SYNE2: variants seen among roughly 807,000 people sequenced by gnomAD.
SYNE2 encodes nesprin-2.
SYNE2 carries 431 observed loss-of-function variants against 856.3 expected under a neutral mutation model. That is an observed-to-expected ratio of 0.50 (90% CI 0.47 to 0.55). The LOEUF (loss-of-function observed/expected upper bound fraction) is 0.55. SYNE2 is among the 20% of genes least tolerant of loss of function. The probability of loss-of-function intolerance (pLI) is 0.00; values close to 1 mark genes in which losing one functional copy is unlikely to be tolerated. For synonymous variants in SYNE2, 2,923 were observed against 2,872.3 expected (o/e 1.02, Z -0.56); for missense variants, 8,129 against 8,023.2 (o/e 1.01, Z -0.50).
chr14:64,028,145 TCCTC>T (rs2096996428), intron 43 of SYNE2, among the ~76,000 whole-genome samples: 7 of 152,130 alleles, frequency 4.6e-5, no homozygotes, highest in Admixed American at 4.6e-4. Context: ...GCTCAAGTGA[TCCTC>T]CCGCCTTGGC....
At chr14:64,087,985 C>T (rs1158765507) in intron 58 of SYNE2, 129 bp downstream of exon 58, 7 of 931,468 alleles carry the variant, frequency 7.5e-6, no homozygotes, top group Non-Finnish European at 8.4e-6. Context: ...GAGTTCAAGA[C>T]AAGCCTGGCC....
In SYNE2 at chr14:64,148,034, G is replaced by A. The variant is rs571694703; in HGVS notation, c.15639+1811G>A. Among the ~76,000 whole-genome samples, 9 of 152,226 alleles carry A rather than the reference G, an allele frequency of 5.9e-5. No individual in the cohort carries two copies. In the South Asian group the frequency reaches 8.3e-4, roughly 14 times the overall value. ...TGTTATTTAATAAGCCATTAAGGCC[G>A]GGCGCAGTGGCTCATGTGTATAATC... On this transcript the variant is annotated intron_variant, in intron 84 of 115. Transcript: ENST00000555002.
At chr14:64,063,873 C>T (rs2097336668) in intron 50 of SYNE2, among the ~76,000 whole-genome samples, 1 of 152,152 alleles carries the variant, frequency 6.6e-6, no homozygotes, top group Admixed American at 6.5e-5. Context: ...CCAGTGGATG[C>T]TTGAGACTGT....
At chr14:63,803,301 G>T (rs1307202660) in intron 1 of SYNE2, among the ~76,000 whole-genome samples, 2 of 152,234 alleles carry the variant, frequency 1.3e-5, no homozygotes, top group Non-Finnish European at 2.9e-5. Flanking sequence ...GGGACTGGGC[G>T]CCATGGAGCA....
chr14:64,049,943 G>T (rs1595139264), intron 47 of SYNE2, 67 bp downstream of exon 47: 1 of 1,578,206 alleles, frequency 6.3e-7, no homozygotes, highest in Non-Finnish European at 8.7e-7. Context: ...CCTTGGACAG[G>T]CCCAGGGTTT....
In SYNE2 at chr14:64,051,926, C is replaced by T. The variant is rs1324986561; in HGVS notation, c.8013C>T (p.Asp2671=). ...AAAGCATGATTGCCTTGACCACTGACCTCCAGGCTACCAAGCATGGATTTT... is the reference window on the plus strand; with the variant it reads ...AAAGCATGATTGCCTTGACCACTGATCTCCAGGCTACCAAGCATGGATTTT... ...GNQSMIALTT[D]LQATKHGFSV... is the part of the protein sequence containing the mutation. The change falls in exon 48 of 116, where the codon GAC becomes GAT. Residue 2671 remains aspartate (D), a synonymous_variant. Coordinates refer to ENST00000555002, the MANE Select transcript of SYNE2 (RefSeq NM_182914.3). 1.9e-6 allele frequency: 3 copies of T among 1,613,856 alleles called. No homozygotes were observed. The highest frequency in any genetic ancestry group is 1.7e-5 in the Admixed American group (1 of 60,028).
At chr14:63,929,661 C>A (rs753631901) in intron 2 of SYNE2, among the ~76,000 whole-genome samples, 1 of 151,808 alleles carries the variant, frequency 6.6e-6, no homozygotes, top group South Asian at 2.1e-4. Context: ...ATCCCAGCTA[C>A]TCGGGAGGCT....
intron 112 of SYNE2, among the ~76,000 whole-genome samples, chr14:64,222,725 C>CA (rs1567696773): frequency 6.6e-6 from 1 of 151,880 alleles, no homozygotes; most frequent in Non-Finnish European, 1.5e-5. Context: ...GACTCCACCT[C>CA]AAAAAAATAA....
intron 2 of SYNE2, among the ~76,000 whole-genome samples, chr14:63,929,644 GC>G (rs916903381): frequency 1.2e-4 from 18 of 152,006 alleles, no homozygotes; most frequent in African/African-American, 4.1e-4. Flanking sequence ...GGGGGTGGGC[GC>G]CTGTAATCCC....
At chr14:63,960,986 C>T in intron 8 of SYNE2, 1 of 519,092 alleles carries the variant, frequency 1.9e-6, no homozygotes, top group Non-Finnish European at 3.4e-6. Flanking sequence ...AACACAAAGC[C>T]TGGCCTGTAG....
At chr14:63,934,688 C>T (rs2095808014) in intron 2 of SYNE2, among the ~76,000 whole-genome samples, 2 of 152,012 alleles carry the variant, frequency 1.3e-5, no homozygotes, top group South Asian at 4.1e-4. Context: ...GAGTTGTGCT[C>T]CTCCTTCCTG....
intron 1 of SYNE2, among the ~76,000 whole-genome samples, chr14:63,904,780 G>T (rs2095387097): frequency 6.6e-6 from 1 of 152,032 alleles, no homozygotes; most frequent in Admixed American, 6.6e-5. Context: ...TTTGTTGATA[G>T]TTTCTTTTGC....
At chr14:64,150,291 CAAAAAAAA>C (rs773488742) in intron 84 of SYNE2, among the ~76,000 whole-genome samples, 58 of 35,638 alleles carry the variant, frequency 1.6e-3, no homozygotes, top group South Asian at 6.3e-3. Context: ...GATTCTCTCT[CAAAAAAAA>C]AAAAAAAAAA....
intron 65 of SYNE2, among the ~76,000 whole-genome samples, chr14:64,110,772 C>T (rs1043557123): frequency 3.3e-5 from 5 of 151,978 alleles, no homozygotes; most frequent in African/African-American, 1.2e-4. Context: ...TTGGGTGCTT[C>T]TCAGAAGCAA....
chr14:64,092,886 C>G (rs2097638766), intron 60 of SYNE2, among the ~76,000 whole-genome samples: 1 of 152,180 alleles, frequency 6.6e-6, no homozygotes, highest in African/African-American at 2.4e-5. Context: ...ACCGGGAAAA[C>G]CCATCATCAC....
chr14:64,166,990 T>A, intron 90 of SYNE2: 1 of 556,584 alleles, frequency 1.8e-6, no homozygotes, highest in South Asian at 2.1e-5. Flanking sequence ...AAATCTGAGA[T>A]AACTTTCTAT....
At chr14:64,166,016 A>C (rs577159279) in intron 90 of SYNE2, among the ~76,000 whole-genome samples, 1 of 149,956 alleles carries the variant, frequency 6.7e-6, no homozygotes, top group Non-Finnish European at 1.5e-5. Flanking sequence ...TTTTCTGGTT[A>C]GTTTAATATA....
intron 1 of SYNE2, among the ~76,000 whole-genome samples, chr14:63,893,393 T>C (rs1595480244): frequency 6.6e-6 from 1 of 151,986 alleles, no homozygotes; most frequent in East Asian, 1.9e-4. Context: ...ACCTATTTTT[T>C]TGTCACTACA....
At position 64,126,414 on chromosome 14, in the gene SYNE2, G is replaced by A. The variant is rs761363338; in HGVS notation, c.13642G>A (p.Glu4548Lys). ...LTLSQCLSSV[E>K]EMLEMPRLYR... ...CCTCAGTCAGTGCCTCAGCAGTGTG[G>A]AGGAGATGCTGGAGATGCCCAGACT... Residue 4548 changes from glutamate to lysine, a missense_variant, in exon 72 of 116, where the codon GAG (glutamate) becomes AAG (lysine). Around this residue, in one of 3 missense-constraint regions of SYNE2, gnomAD observed 5,410 missense variants for 5,284.8 expected, o/e 1.02. Transcript: ENST00000555002. 8 of 1,614,138 alleles carry A rather than the reference G, an allele frequency of 5.0e-6. No homozygotes were observed. The South Asian group carries it at 8.8e-5, about 18-fold the overall frequency.
Sources: allele counts gnomAD v4.1 joint callset (sites outside exome capture counted in the v4.1 genomes callset), GRCh38; gene constraint gnomAD v4.1.1; regional missense constraint gnomAD v4.1.1; transcripts MANE v1.5; gene names NCBI Gene and HGNC (gene_info 2026-07-23, HGNC 2026-07-21).